GRIA1: variants seen among roughly 807,000 people sequenced by gnomAD.
GRIA1 encodes the protein glutamate receptor 1.
GRIA1 carries 31 observed loss-of-function variants against 99.2 expected under a neutral mutation model. The observed-to-expected ratio is 0.31, with a 90% confidence interval of 0.23 to 0.42. GRIA1 has a LOEUF of 0.42. GRIA1 is among the 10% of genes least tolerant of loss of function. GRIA1 has a pLI of 1.00. For synonymous variants in GRIA1, 438 were observed against 432.4 expected, an observed-to-expected ratio of 1.01 and a Z score of -0.16; for missense variants, 782 against 1,157.5, an observed-to-expected ratio of 0.68 and a Z score of 4.71.
intron 2 of GRIA1, among the ~76,000 whole-genome samples, chr5:153,549,423 T>A (rs1493398): frequency 0.98 from 149,847 of 152,218 alleles, 73,787 homozygotes; most frequent in East Asian, 1. Context: ...AAAAGAAAGA[T>A]AGCCATAAAT....
chr5:153,661,987 C>G (rs1755405504), intron 5 of GRIA1, among the ~76,000 whole-genome samples: 1 of 152,160 alleles, frequency 6.6e-6, no homozygotes, highest in African/African-American at 2.4e-5. Context: ...TCAAAGGGCT[C>G]AGACAGTTTC....
chr5:153,543,625 TA>T (rs1366271379), intron 2 of GRIA1, among the ~76,000 whole-genome samples: 1 of 152,192 alleles, frequency 6.6e-6, no homozygotes, highest in Non-Finnish European at 1.5e-5. Context: ...GGGAGGAATT[TA>T]CTTGTTTTCT....
intron 2 of GRIA1, among the ~76,000 whole-genome samples, chr5:153,528,202 TAAAAG>T (rs1347473447): frequency 2.0e-5 from 3 of 152,194 alleles, no homozygotes; most frequent in African/African-American, 7.2e-5. Context: ...GTTTCTCAAA[TAAAAG>T]AAACATTGCC....
At position 153,607,628 on chromosome 5, in the gene GRIA1, T is replaced by C. The variant is rs191588232; in HGVS notation, c.221-39300T>C. On this transcript the variant is annotated intron_variant, in intron 2 of 15. Coordinates refer to ENST00000285900, the MANE Select transcript of GRIA1 (RefSeq NM_000827.4). ...GTTCTTCTAGTGCTTACACTGATGATTGCAACATTCATTCTTGGCATATCA... is the reference window on the plus strand; with the variant it reads ...GTTCTTCTAGTGCTTACACTGATGACTGCAACATTCATTCTTGGCATATCA... Among the ~76,000 whole-genome samples the C allele has an allele frequency of 5.6e-3, 846 of 152,192 alleles. 10 individuals are homozygous for C. The highest frequency in any genetic ancestry group is 0.02 in the African/African-American group (823 of 41,570).
rs1762086082 is a variant in GRIA1 at position 153,745,469 on chromosome 5, A to ATCTT, written c.1824-18964_1824-18961dup. ...CTGGGTGTGGTTGTGCATGCCTGTA[A>ATCTT]TCTTAGCTACTAGGGAGGCTGAGGC... is the stretch of plus-strand genomic sequence containing the variant. On this transcript the variant is annotated intron_variant, in intron 11 of 15. Transcript: ENST00000285900. Among the ~76,000 whole-genome samples the ATCTT allele has an allele frequency of 2.6e-5, 4 of 151,714 alleles. No individual in the cohort carries two copies. In the South Asian group the frequency reaches 8.4e-4, roughly 32 times the overall value.
chr5:153,647,773 G>A (rs1246503409), intron 3 of GRIA1, among the ~76,000 whole-genome samples: 5 of 151,998 alleles, frequency 3.3e-5, no homozygotes, highest in African/African-American at 4.8e-5. Context: ...TTCCTCCTTT[G>A]AATTTAACAT....
intron 8 of GRIA1, among the ~76,000 whole-genome samples, chr5:153,694,181 G>A (rs1031990751): frequency 6.6e-6 from 1 of 152,156 alleles, no homozygotes; most frequent in African/African-American, 2.4e-5. Context: ...AATAAGTAGT[G>A]CTAGCTTTGA....
intron 2 of GRIA1, among the ~76,000 whole-genome samples, chr5:153,619,644 G>C (rs1337154483): frequency 6.6e-6 from 1 of 152,004 alleles, no homozygotes; most frequent in Non-Finnish European, 1.5e-5. Context: ...AAATGGAAAA[G>C]GGACAAGGTA....
In GRIA1 at chr5:153,656,367, G is replaced by T. The variant is rs1308306313; in HGVS notation, c.699+495G>T. ...TAGTTTATATTCACTTTTCTATATG[G>T]CATAGATAAGTTTGTTTATATATAT... On this transcript the variant is annotated intron_variant, in intron 5 of 15. Transcript: ENST00000285900. Among the ~76,000 whole-genome samples the T allele has an allele frequency of 7.0e-5, 8 of 114,968 alleles. No individual in the cohort carries two copies. The South Asian group carries it at 2.8e-3, about 40-fold the overall frequency. The allele number at this position is 114,968 out of a possible 152,430, so 75.4% of individuals were successfully genotyped here.
At chr5:153,744,404 G>C (rs576742831) in intron 11 of GRIA1, among the ~76,000 whole-genome samples, 18 of 152,300 alleles carry the variant, frequency 1.2e-4, no homozygotes, top group African/African-American at 4.1e-4. Context: ...TAAGAATTAT[G>C]GATGTATTTC....
intron 7 of GRIA1, among the ~76,000 whole-genome samples, chr5:153,681,889 G>A (rs539441867): frequency 8.5e-5 from 13 of 152,186 alleles, no homozygotes; most frequent in Middle Eastern, 3.4e-3. Flanking sequence ...CAAAAAGTTA[G>A]CGGGATGTGT....
intron 2 of GRIA1, among the ~76,000 whole-genome samples, chr5:153,565,182 T>G (rs1276404508): frequency 1.3e-5 from 2 of 152,132 alleles, no homozygotes; most frequent in Non-Finnish European, 2.9e-5. Context: ...TTTCAGGGAG[T>G]ACTTCTATGG....
intron 10 of GRIA1, among the ~76,000 whole-genome samples, chr5:153,700,369 G>A (rs1758430399): frequency 1.3e-5 from 2 of 152,150 alleles, no homozygotes; most frequent in African/African-American, 4.8e-5. Context: ...TGGGAGACAA[G>A]AGCGAAACTC....
intron 13 of GRIA1, among the ~76,000 whole-genome samples, chr5:153,794,383 C>G (rs1765503482): frequency 6.6e-6 from 1 of 152,178 alleles, no homozygotes; most frequent in Non-Finnish European, 1.5e-5. Flanking sequence ...TCAAAATACC[C>G]AACTTCTGAA....
At chr5:153,652,314 C>T (rs779076420) in intron 4 of GRIA1, among the ~76,000 whole-genome samples, 3 of 152,194 alleles carry the variant, frequency 2.0e-5, no homozygotes, top group Non-Finnish European at 4.4e-5. Flanking sequence ...TTCTATGGTA[C>T]AGACAGTAGC....
At chr5:153,794,761 A>AAT in intron 14 of GRIA1, 26 bp downstream of exon 14, 1 of 1,364,202 alleles carries the variant, frequency 7.3e-7, no homozygotes, top group Non-Finnish European at 1.0e-6. Flanking sequence ...AAAAAAAAAA[A>AAT]CCTAGTGGGT....
Position 153,698,081 on chromosome 5 carries a change from C to T in GRIA1, c.1172C>T (p.Ala391Val), listed in dbSNP as rs770450225. ...AATGAAGATGATAAGTTTGTCCCTG[C>T]AGCCACCGATGCCCAAGCTGGGGGC... ...YWNEDDKFVP[A>V]ATDAQAGGDN... The change falls in exon 9 of 16, where the codon GCA (alanine) becomes GTA (valine). Residue 391 changes from alanine (A) to valine (V), a missense_variant. Ala to Val is a moderately conservative substitution (Grantham distance 64, BLOSUM62 0). Coordinates refer to ENST00000285900, the MANE Select transcript of GRIA1 (RefSeq NM_000827.4). 1 of 1,610,096 alleles carries T rather than the reference C, an allele frequency of 6.2e-7. No homozygotes were observed. Among genetic ancestry groups the T allele is most frequent in the Non-Finnish European group, 8.5e-7 (1 of 1,176,424 alleles).
chr5:153,792,317 A>T (rs1026222228), intron 13 of GRIA1, among the ~76,000 whole-genome samples: 3 of 152,180 alleles, frequency 2.0e-5, no homozygotes, highest in African/African-American at 7.2e-5. Flanking sequence ...ATTGACCCCA[A>T]ACAGGATTAT....
At chr5:153,515,652 A>G (rs1756547797) in intron 2 of GRIA1, among the ~76,000 whole-genome samples, 1 of 152,246 alleles carries the variant, frequency 6.6e-6, no homozygotes, top group Non-Finnish European at 1.5e-5. Context: ...ATGTGAGGTT[A>G]TGAATACGTT....
Sources: gnomAD v4.1 joint callset for allele counts (sites outside exome capture counted in the v4.1 genomes callset) on GRCh38, gnomAD v4.1.1 for gene constraint, MANE v1.5 for transcripts, NCBI Gene and HGNC (gene_info 2026-07-23, HGNC 2026-07-21) for gene names.